The following CNTN5 variants were observed in gnomAD, a reference collection of about 807,000 sequenced individuals.
CNTN5 encodes contactin-5.
A neutral mutation model predicts 129.1 loss-of-function variants in CNTN5; 77 were observed. That is an observed-to-expected ratio of 0.60 (90% CI 0.50 to 0.72). The LOEUF (loss-of-function observed/expected upper bound fraction) is 0.72. Among genes scored for constraint, CNTN5 ranks in the 30% least tolerant of loss-of-function variants. The pLI is 0.00. For missense variants in CNTN5, 1,478 were observed against 1,328.8 expected (o/e 1.11, Z -1.75); for synonymous variants, 509 against 465.6 (o/e 1.09, Z -1.20).
At chr11:100,210,060 C>A (rs779732568) in intron 15 of CNTN5, among the ~76,000 whole-genome samples, 1 of 151,244 alleles carries the variant, frequency 6.6e-6, no homozygotes, top group East Asian at 1.9e-4. Flanking sequence ...GTCCAGCCTG[C>A]ACACATGGTT....
At chr11:99,811,482 A>G (rs11221479) in intron 3 of CNTN5, among the ~76,000 whole-genome samples, 9,253 of 148,156 alleles carry the variant, frequency 0.062, 351 homozygotes, top group African/African-American at 0.1. Flanking sequence ...TTTTAATATT[A>G]TAACTATTAT....
At chr11:99,573,672 C>G (rs887573809) in intron 3 of CNTN5, among the ~76,000 whole-genome samples, 1 of 152,024 alleles carries the variant, frequency 6.6e-6, no homozygotes, top group African/African-American at 2.4e-5. Flanking sequence ...GCTCTATTGC[C>G]AGGCCTGAGT....
chr11:100,067,298 G>A (rs756772404), intron 10 of CNTN5, among the ~76,000 whole-genome samples: 5 of 152,034 alleles, frequency 3.3e-5, no homozygotes, highest in African/African-American at 4.8e-5. Context: ...CCACTTGTGT[G>A]TGTGTCTGTG....
intron 6 of CNTN5, among the ~76,000 whole-genome samples, chr11:99,857,666 T>A (rs1329248524): frequency 6.6e-6 from 1 of 152,154 alleles, no homozygotes; most frequent in African/African-American, 2.4e-5. Context: ...ATTGGTAATA[T>A]CTTACATATC....
intron 8 of CNTN5, among the ~76,000 whole-genome samples, chr11:99,990,879 C>T (rs985160714): frequency 6.6e-6 from 1 of 152,108 alleles, no homozygotes; most frequent in African/African-American, 2.4e-5. Context: ...CCCTCAAGAA[C>T]ATCAGCTCTC....
intron 3 of CNTN5, among the ~76,000 whole-genome samples, chr11:99,810,755 A>T (rs1265743128): frequency 6.6e-6 from 1 of 152,132 alleles, no homozygotes; most frequent in East Asian, 1.9e-4. Flanking sequence ...AGTTAACATT[A>T]ATTCTCATCA....
chr11:100,176,767 T>A (rs1390471383), intron 13 of CNTN5, among the ~76,000 whole-genome samples: 2 of 152,032 alleles, frequency 1.3e-5, no homozygotes, highest in African/African-American at 4.8e-5. Flanking sequence ...TAGTATAACA[T>A]ACTTGCTTTT....
At position 99,928,775 on chromosome 11, in the gene CNTN5, T is replaced by C. The variant is rs28831540; in HGVS notation, c.673+12626T>C. Among the ~76,000 whole-genome samples the C allele has an allele frequency of 7.9e-3, 1,210 of 152,316 alleles. 28 individuals are homozygous for C. The highest frequency in any genetic ancestry group is 0.027 in the African/African-American group (1,131 of 41,574). On this transcript the variant is annotated intron_variant, in intron 7 of 24. Transcript: ENST00000524871. ...GACATTTTCCTGATTGTCTTGGTGA[T>C]TAACATTTGGCTCCTCATTACCTAT...
intron 9 of CNTN5, among the ~76,000 whole-genome samples, chr11:100,018,950 A>G (rs1024661538): frequency 2.0e-5 from 3 of 151,866 alleles, no homozygotes; most frequent in African/African-American, 7.2e-5. Context: ...ATAACTGCAT[A>G]TTTCTTTAGT....
chr11:99,984,975 G>T (rs1938581900), intron 8 of CNTN5, among the ~76,000 whole-genome samples: 1 of 152,180 alleles, frequency 6.6e-6, no homozygotes, highest in African/African-American at 2.4e-5. Context: ...CCAGGTGCTG[G>T]CAGGAGCGAG....
chr11:99,346,059 C>A (rs1312626048), intron 2 of CNTN5, among the ~76,000 whole-genome samples: 2 of 152,196 alleles, frequency 1.3e-5, no homozygotes, highest in East Asian at 3.9e-4. Flanking sequence ...CTTGTGTTTT[C>A]TTTCAGTTTT....
chr11:99,889,416 T>C (rs899344392), intron 6 of CNTN5, among the ~76,000 whole-genome samples: 1 of 151,270 alleles, frequency 6.6e-6, no homozygotes, highest in African/African-American at 2.4e-5. Context: ...TAAAATACAG[T>C]ATTCTATAAA....
At chr11:99,899,437 A>T (rs1289437691) in intron 6 of CNTN5, among the ~76,000 whole-genome samples, 1 of 151,956 alleles carries the variant, frequency 6.6e-6, no homozygotes, top group Non-Finnish European at 1.5e-5. Context: ...TTATGAAGAG[A>T]TGTTGGATTT....
At chr11:99,469,884 T>C (rs990966102) in intron 2 of CNTN5, among the ~76,000 whole-genome samples, 14 of 152,180 alleles carry the variant, frequency 9.2e-5, no homozygotes, top group African/African-American at 3.4e-4. Context: ...CTAAAGTTTC[T>C]CCTACTTTTC....
rs377502139 is a variant in CNTN5, at chr11:99,999,447, C to T, written c.878-2587C>T. Among the ~76,000 whole-genome samples, 9 of 152,258 alleles carry T rather than the reference C, an allele frequency of 5.9e-5. No homozygotes were observed. The East Asian group carries it at 1.5e-3, about 26-fold the overall frequency. On this transcript the variant is annotated intron_variant, in intron 8 of 24. Transcript: ENST00000524871. ...GCCATCAGAGAAATGCAAATCAAAA[C>T]CACAATGAGATACCATCTCACACCA...
intron 3 of CNTN5, among the ~76,000 whole-genome samples, chr11:99,806,342 A>T (rs1591219803): frequency 1.3e-5 from 2 of 152,170 alleles, no homozygotes; most frequent in African/African-American, 2.4e-5. Context: ...AAAATAAATG[A>T]AGTGTGTCAG....
At chr11:99,531,895 A>G (rs1467805227) in intron 2 of CNTN5, among the ~76,000 whole-genome samples, 1 of 152,144 alleles carries the variant, frequency 6.6e-6, no homozygotes, top group African/African-American at 2.4e-5. Context: ...TACATTCTCC[A>G]TTCTCATGGA....
chr11:100,312,740 C>T (rs1951494090), intron 21 of CNTN5, among the ~76,000 whole-genome samples: 1 of 151,998 alleles, frequency 6.6e-6, no homozygotes, highest in South Asian at 2.1e-4. Context: ...TTTAACTTCA[C>T]ATGCAAAATC....
intron 3 of CNTN5, among the ~76,000 whole-genome samples, chr11:99,741,709 CA>C (rs1184651073): frequency 6.6e-6 from 1 of 152,118 alleles, no homozygotes; most frequent in Non-Finnish European, 1.5e-5. Context: ...ACAAGCCCTT[CA>C]AAATCTTTCT....
Sources: gnomAD v4.1 joint callset for allele counts (sites outside exome capture counted in the v4.1 genomes callset) on GRCh38, gnomAD v4.1.1 for gene constraint, MANE v1.5 for transcripts, NCBI Gene and HGNC (gene_info 2026-07-23, HGNC 2026-07-21) for gene names.